The following PAPOLG variants were observed in gnomAD, a reference collection of about 807,000 sequenced individuals.
PAPOLG encodes PAP-gamma.
Under a neutral mutation model 99.0 loss-of-function variants are expected in PAPOLG, and 40 were observed. The ratio of observed to expected loss-of-function variants is 0.40; its 90% CI spans 0.31 to 0.53. PAPOLG has a LOEUF of 0.53. Among genes scored for constraint, PAPOLG ranks in the 20% least tolerant of loss-of-function variants. The pLI is 0.41. For missense variants in PAPOLG, 675 were observed against 884.1 expected (o/e 0.76, Z 3.00); for synonymous variants, 310 against 299.3 (o/e 1.04, Z -0.37).
intron 11 of PAPOLG, 89 bp downstream of exon 11, chr2:60,782,094 T>TA: frequency 3.0e-6 from 4 of 1,333,360 alleles, no homozygotes; most frequent in Non-Finnish European, 4.3e-6. Flanking sequence ...GATTGGCAGT[T>TA]AGAGTTATAC....
Position 60,768,566 on chromosome 2 carries a change from GT to G in PAPOLG, c.328+16del. The G allele has an allele frequency of 1.3e-6, 2 of 1,557,436 alleles. No homozygotes were observed. Reference sequence around the variant, plus strand: ...ACACACCAAAGGTAACTGCTTTTCTGTGTTCTAGTGCTAAGAACATTCAATA... The same window carrying G: ...ACACACCAAAGGTAACTGCTTTTCTGGTTCTAGTGCTAAGAACATTCAATA... On this transcript the variant is annotated intron_variant, in intron 4 of 21. Coordinates refer to ENST00000238714, the MANE Select transcript of PAPOLG (RefSeq NM_022894.4).
At chr2:60,770,387 C>G in intron 5 of PAPOLG, 71 bp from the exon 6 acceptor site, 1 of 1,291,756 alleles carries the variant, frequency 7.7e-7, no homozygotes, top group African/African-American at 1.5e-5. Flanking sequence ...AAGATATTCA[C>G]ATTATTGGTA....
intron 8 of PAPOLG, 37 bp downstream of exon 8, chr2:60,775,160 ATT>A: frequency 6.3e-7 from 1 of 1,577,584 alleles, no homozygotes; most frequent in Non-Finnish European, 8.6e-7. Flanking sequence ...GCATTATAAA[ATT>A]CTAATTTTCT....
chr2:60,771,898 T>C (rs1053706221), intron 7 of PAPOLG, among the ~76,000 whole-genome samples: 11 of 152,128 alleles, frequency 7.2e-5, no homozygotes, highest in Non-Finnish European at 1.6e-4. Context: ...CCAAAAAGCT[T>C]TTGTTTATGT....
chr2:60,774,206 C>G (rs373712746), intron 7 of PAPOLG, among the ~76,000 whole-genome samples: 2 of 144,942 alleles, frequency 1.4e-5, no homozygotes, highest in Non-Finnish European at 3.0e-5. Context: ...GCTGTTGCCC[C>G]ATCTTGATTG....
chr2:60,774,348 C>T (rs1315817239), intron 7 of PAPOLG, among the ~76,000 whole-genome samples: 2 of 150,014 alleles, frequency 1.3e-5, no homozygotes, highest in Non-Finnish European at 3.0e-5. Context: ...GTACCCAGAC[C>T]ATACTTTGAG....
chr2:60,763,374 G>A (rs531469857), intron 3 of PAPOLG, among the ~76,000 whole-genome samples: 198 of 151,818 alleles, frequency 1.3e-3, no homozygotes, highest in Non-Finnish European at 1.1e-3. Context: ...GAGCCACTGC[G>A]CCTTGCCTAA....
chr2:60,794,624 C>A, intron 19 of PAPOLG, 86 bp from the exon 20 acceptor site: 1 of 1,117,572 alleles, frequency 8.9e-7, no homozygotes, highest in Non-Finnish European at 1.3e-6. Context: ...AATAGTGTAA[C>A]CAATAACTAG....
chr2:60,777,634 C>A (rs1478461615), intron 8 of PAPOLG, among the ~76,000 whole-genome samples: 2 of 152,186 alleles, frequency 1.3e-5, no homozygotes, highest in East Asian at 3.8e-4. Flanking sequence ...TTTCAACATG[C>A]CTTTTTCACT....
At position 60,792,173 on chromosome 2, in the gene PAPOLG, C is replaced by T; in HGVS notation, c.1563C>T (p.Ser521=). 6.3e-7 allele frequency: 1 copy of T among 1,598,784 alleles called. No homozygotes were observed. ...DVNRSSGGLQ[S]KRLSLDSSCL... ...ATCGAAGCTCGGGCGGACTTCAATC[C>T]AAAAGATTGTCTCTGGATAGCAGTT... Residue 521 remains serine (S), a synonymous_variant, in exon 17 of 22, where the codon TCC becomes TCT. Coordinates refer to ENST00000238714, the MANE Select transcript of PAPOLG (RefSeq NM_022894.4).
rs545089966 is a variant in PAPOLG at position 60,779,850 on chromosome 2, C to T, written c.833+75C>T. On this transcript the variant is annotated intron_variant, in intron 9 of 21. Transcript: ENST00000238714. ...GTAAGTTTGTTTGGAAATTTAAGAG[C>T]TATACATAGACTTTTTCTGTTGTTT... The T allele has an allele frequency of 2.3e-6, 3 of 1,280,528 alleles. No homozygotes were observed. In the Admixed American group the frequency reaches 6.2e-5, roughly 26 times the overall value. 79.3% of individuals were successfully genotyped at this position (1,280,528 alleles called of 1,614,324 possible). A position where few individuals can be genotyped will look rare whatever the true frequency, so the allele number is the denominator to read the frequency against.
intron 11 of PAPOLG, 71 bp downstream of exon 11, chr2:60,782,076 C>G: frequency 6.8e-7 from 1 of 1,468,492 alleles, no homozygotes; most frequent in Non-Finnish European, 9.5e-7. Context: ...TTCTCTGTTG[C>G]AGCTATGGAT....
Position 60,794,127 on chromosome 2 carries a change from C to G in PAPOLG, c.1925C>G (p.Thr642Arg), listed in dbSNP as rs201413066. 664 of 1,613,844 alleles carry G rather than the reference C, an allele frequency of 4.1e-4. No individual in the cohort carries two copies. Among genetic ancestry groups the G allele is most frequent in the Non-Finnish European group, 5.1e-4 (605 of 1,179,796 alleles). The stretch of plus-strand genomic sequence containing the variant: ...ATGTCAAATATAACTAAGACTGTTA[C>G]ACCTAAGAGATCCCATTCCCCATCC... Reference protein sequence around the residue: ...NGMSNITKTVTPKRSHSPSID... With the variant: ...NGMSNITKTVRPKRSHSPSID... The change falls in exon 19 of 22, where the codon ACA becomes AGA. Residue 642 changes from threonine to arginine, a missense_variant. Coordinates refer to ENST00000238714, the MANE Select transcript of PAPOLG (RefSeq NM_022894.4).
intron 8 of PAPOLG, among the ~76,000 whole-genome samples, chr2:60,777,476 T>G (rs1671055634): frequency 1.3e-5 from 2 of 152,158 alleles, no homozygotes; most frequent in Non-Finnish European, 2.9e-5. Context: ...TTTTTTTTTC[T>G]GTCAGCAATA....
chr2:60,786,031 AT>A (rs1671351875), intron 13 of PAPOLG, among the ~76,000 whole-genome samples: 1 of 152,128 alleles, frequency 6.6e-6, no homozygotes, highest in East Asian at 1.9e-4. Context: ...CTAACTTGTC[AT>A]TTACTACAAT....
intron 18 of PAPOLG, 100 bp from the exon 19 acceptor site, chr2:60,793,871 A>C: frequency 7.0e-7 from 1 of 1,431,160 alleles, no homozygotes; most frequent in Non-Finnish European, 9.5e-7. Flanking sequence ...TGATCAAGCC[A>C]CTGCACTGCA....
At position 60,782,678 on chromosome 2, in the gene PAPOLG, T is replaced by TTTTTTTTTTTTTTA; in HGVS notation, c.1028-8_1028-7insTTTTTTTTTTTTTA. The TTTTTTTTTTTTTTA allele has an allele frequency of 7.2e-7, 1 of 1,379,934 alleles. No individual in the cohort carries two copies. The highest frequency in any genetic ancestry group is 9.4e-7 in the Non-Finnish European group (1 of 1,061,936). 85.5% of individuals were successfully genotyped at this position (1,379,934 alleles called of 1,614,324 possible). ...CTTTTTTTTTTTTTTTTTTTTTTTT[T>TTTTTTTTTTTTTTA]AATTTAGGTCTTGCAGTCACAGATG... On this transcript the variant is annotated splice_polypyrimidine_tract_variant and splice_region_variant and intron_variant, in intron 11 of 21. Coordinates refer to ENST00000238714, the MANE Select transcript of PAPOLG (RefSeq NM_022894.4).
chr2:60,772,362 A>G (rs1001907961), intron 7 of PAPOLG, among the ~76,000 whole-genome samples: 2 of 150,712 alleles, frequency 1.3e-5, no homozygotes, highest in African/African-American at 4.9e-5. Context: ...TGAGAGGATC[A>G]CCTGAGCCCC....
intron 3 of PAPOLG, among the ~76,000 whole-genome samples, chr2:60,766,911 G>C (rs561007892): frequency 6.6e-6 from 1 of 152,292 alleles, no homozygotes; most frequent in South Asian, 2.1e-4. Flanking sequence ...CCTTACCTCA[G>C]TAGTTAGGGA....
Sources: gnomAD v4.1 joint callset for allele counts (sites outside exome capture counted in the v4.1 genomes callset) on GRCh38, gnomAD v4.1.1 for gene constraint, MANE v1.5 for transcripts, NCBI Gene and HGNC (gene_info 2026-07-23, HGNC 2026-07-21) for gene names.